Variants in SNRPB observed in about 807,000 individuals in gnomAD.
The protein encoded by SNRPB is small nuclear ribonucleoprotein polypeptides B and B1.
Under a neutral mutation model 26.6 loss-of-function variants are expected in SNRPB, and 5 were observed. That is an observed-to-expected ratio of 0.19 (90% CI 0.10 to 0.39). The LOEUF is 0.39. SNRPB is among the 10% of genes least tolerant of loss of function. SNRPB has a pLI of 1.00. For synonymous variants in SNRPB, 122 were observed against 105.8 expected, an observed-to-expected ratio of 1.15 and a Z score of -0.94; for missense variants, 211 against 311.9, an observed-to-expected ratio of 0.68 and a Z score of 2.44.
At chr20:2,468,343 A>G (rs1222677848) in intron 1 of SNRPB, among the ~76,000 whole-genome samples, 1 of 151,814 alleles carries the variant, frequency 6.6e-6, no homozygotes, top group African/African-American at 2.4e-5. Flanking sequence ...CAGTTTGGAC[A>G]TATAATGGTC....
chr20:2,465,862 G>C, intron 2 of SNRPB, 43 bp from the exon 3 acceptor site: 2 of 1,496,884 alleles, frequency 1.3e-6, no homozygotes, highest in Non-Finnish European at 1.9e-6. Context: ...GTTAGAGGTG[G>C]GTAAAGTTCA....
intron 6 of SNRPB, 88 bp from the exon 7 acceptor site, chr20:2,462,027 C>T (rs564443643): frequency 1.3e-5 from 12 of 902,676 alleles, no homozygotes; most frequent in Admixed American, 2.0e-5. Flanking sequence ...CTGCAGTAAT[C>T]GAGTGAGGAG....
intron 3 of SNRPB, among the ~76,000 whole-genome samples, chr20:2,465,483 A>C (rs1048028027): frequency 1.3e-5 from 2 of 149,704 alleles, no homozygotes; most frequent in Non-Finnish European, 3.0e-5. Flanking sequence ...TCCTGGGCTC[A>C]AGCTATCCTC....
chr20:2,467,786 A>C (rs773393015), intron 1 of SNRPB, 28 bp from the exon 2 acceptor site: 2 of 1,608,268 alleles, frequency 1.2e-6, no homozygotes, highest in South Asian at 2.2e-5. Context: ...CAGGGATGAG[A>C]CTCTGCTCTT....
intron 3 of SNRPB, among the ~76,000 whole-genome samples, 187 bp from the exon 4 acceptor site, chr20:2,464,086 A>T (rs1047694585): frequency 6.6e-6 from 1 of 152,232 alleles, no homozygotes; most frequent in Non-Finnish European, 1.5e-5. Context: ...TTATCCCTGA[A>T]GCAGGGTAGA....
chr20:2,465,933 T>G, intron 2 of SNRPB, 114 bp from the exon 3 acceptor site: 1 of 727,986 alleles, frequency 1.4e-6, no homozygotes, highest in Non-Finnish European at 2.4e-6. Flanking sequence ...GTACACAAAC[T>G]TTCCCAAGAT....
intron 1 of SNRPB, among the ~76,000 whole-genome samples, chr20:2,469,047 T>C (rs933050317): frequency 1.6e-4 from 24 of 152,240 alleles, no homozygotes; most frequent in Non-Finnish European, 5.9e-5. Context: ...GATCTGAACC[T>C]TTAGGGCAAC....
At chr20:2,468,750 G>A (rs1555757306) in intron 1 of SNRPB, among the ~76,000 whole-genome samples, 1 of 152,108 alleles carries the variant, frequency 6.6e-6, no homozygotes, top group Non-Finnish European at 1.5e-5. Context: ...ACATGGCGAA[G>A]CCCCGTCTCT....
In SNRPB at chr20:2,463,977, G is replaced by C. The variant is rs1292048852; in HGVS notation, c.268-78C>G. 3 of 1,265,208 alleles carry C rather than the reference G, an allele frequency of 2.4e-6. No individual in the cohort carries two copies. The highest frequency in any genetic ancestry group is 4.8e-5 in the East Asian group (2 of 42,088). The allele number at this position is 1,265,208 out of a possible 1,614,324, so 78.4% of individuals were successfully genotyped here. On this transcript the variant is annotated intron_variant, in intron 3 of 6. Coordinates refer to ENST00000381342, the MANE Select transcript of SNRPB (RefSeq NM_003091.4). The surrounding 1 kb of genome is among the most constrained non-coding windows in gnomAD (Gnocchi z 5.0). ...ATACTTTGGAATATCATTGCCAAGA[G>C]AGCCCCTCGAAATAGCTTATAAATA...
rs1161672809 is a variant in SNRPB, at chr20:2,462,631, C to T, written c.685+5G>A. 2 of 1,612,716 alleles carry T rather than the reference C, an allele frequency of 1.2e-6. No individual in the cohort carries two copies. The highest frequency in any genetic ancestry group is 1.7e-6 in the Non-Finnish European group (2 of 1,178,988). ...GAAGCCAAAGTCACCACTGCAGGCA[C>T]TTACCTCGCATCCCAGGGGGAGGAG... On this transcript the variant is annotated splice_donor_5th_base_variant and intron_variant, in intron 6 of 6. Coordinates refer to ENST00000381342, the MANE Select transcript of SNRPB (RefSeq NM_003091.4).
chr20:2,470,277 G>A (rs1251717478), intron 1 of SNRPB, among the ~76,000 whole-genome samples: 2 of 129,152 alleles, frequency 1.5e-5, no homozygotes, highest in Admixed American at 8.2e-5. Context: ...ACCCACTTCC[G>A]CCAACTCTTT....
Position 2,470,715 on chromosome 20 carries a change from AC to A in SNRPB, c.-26del, listed in dbSNP as rs758893195. ...TGGTGGCGGTTCTGATGGCTCTGAT[AC>A]CCGCCGGATTCGCCTCCTCAGAGGC... On this transcript the variant is annotated 5_prime_UTR_variant, in exon 1 of 7. Transcript: ENST00000381342. The A allele has an allele frequency of 4.0e-5, 65 of 1,608,896 alleles. 1 individual carries two copies. In the South Asian group the frequency reaches 6.4e-4, roughly 16 times the overall value.
intron 3 of SNRPB, among the ~76,000 whole-genome samples, chr20:2,465,296 C>G (rs927301967): frequency 6.6e-6 from 1 of 152,238 alleles, no homozygotes; most frequent in East Asian, 1.9e-4. Flanking sequence ...CACTGACTCA[C>G]TATGTACATC....
chr20:2,462,051 G>A, intron 6 of SNRPB, 112 bp from the exon 7 acceptor site: 1 of 722,300 alleles, frequency 1.4e-6, no homozygotes, highest in Non-Finnish European at 2.4e-6. Context: ...GGTATACATG[G>A]CATATGTGCT....
intron 1 of SNRPB, among the ~76,000 whole-genome samples, chr20:2,470,108 G>A (rs890468713): frequency 6.6e-6 from 1 of 152,234 alleles, no homozygotes; most frequent in Non-Finnish European, 1.5e-5. Flanking sequence ...ACATATTTCA[G>A]AGAGTAGCCC....
In SNRPB at chr20:2,467,747, C is replaced by T. The variant is rs976029179; in HGVS notation, c.15G>A (p.Lys5=). MTVG[K]SSKMLQHIDY... ...CAATATGCTGCAGCATCTTGCTGCT[C>T]TTGCCCACCGTCTGCAAGGAGAAAT... The change falls in exon 2 of 7, where the codon AAG becomes AAA. Residue 5 remains lysine (K), a synonymous_variant. Coordinates refer to ENST00000381342, the MANE Select transcript of SNRPB (RefSeq NM_003091.4). 6.2e-7 allele frequency: 1 copy of T among 1,613,914 alleles called. No homozygotes were observed. Among genetic ancestry groups the T allele is most frequent in the African/African-American group, 1.3e-5 (1 of 74,930 alleles).
At chr20:2,462,942 T>C in intron 5 of SNRPB, 147 bp downstream of exon 5, 1 of 971,364 alleles carries the variant, frequency 1.0e-6, no homozygotes, top group Admixed American at 2.4e-5. Flanking sequence ...GTCCACCTAG[T>C]CTCATCAGTC....
intron 2 of SNRPB, 167 bp downstream of exon 2, chr20:2,467,440 C>A (rs755311287): frequency 2.2e-5 from 15 of 669,746 alleles, no homozygotes; most frequent in Non-Finnish European, 3.4e-5. Flanking sequence ...GTTTGCTGGA[C>A]TCAAAAAGAT....
At chr20:2,464,105 G>A (rs1351369033) in intron 3 of SNRPB, among the ~76,000 whole-genome samples, 2 of 152,188 alleles carry the variant, frequency 1.3e-5, no homozygotes, top group Non-Finnish European at 2.9e-5. Flanking sequence ...GAACTTAAGA[G>A]TAAGTCTAGA....
Sources: allele counts gnomAD v4.1 joint callset (sites outside exome capture counted in the v4.1 genomes callset), GRCh38; gene constraint gnomAD v4.1.1; non-coding constraint Gnocchi (gnomAD v3.1); transcripts MANE v1.5; gene names NCBI Gene and HGNC (gene_info 2026-07-23, HGNC 2026-07-21).